The following EME2 variants were observed in gnomAD, a reference collection of about 807,000 sequenced individuals.
EME2 encodes the protein essential meiotic structure-specific endonuclease subunit 2.
In EME2, 58 loss-of-function variants were observed where a neutral mutation model predicts 41.9. The observed-to-expected ratio is 1.38, with a 90% CI of 1.12 to 1.72. The LOEUF (loss-of-function observed/expected upper bound fraction) is 1.72. Among genes scored for constraint, EME2 ranks in the 40% most tolerant of loss-of-function variants. The probability of loss-of-function intolerance (pLI) is 0.00; values close to 1 mark genes in which losing one functional copy is unlikely to be tolerated. For synonymous variants in EME2, 334 were observed against 239.3 expected (o/e 1.40, Z -3.65); for missense variants, 695 against 541.9 (o/e 1.28, Z -2.81).
Position 1,775,939 on chromosome 16 carries a change from G to C in EME2, c.922G>C (p.Ala308Pro), listed in dbSNP as rs768907545. Residue 308 changes from alanine to proline, a missense_variant, in exon 7 of 8, where the codon GCT (alanine) becomes CCT (proline). By Grantham distance (27) the Ala-to-Pro change is conservative (BLOSUM62 -1). Coordinates refer to ENST00000568449, the MANE Select transcript of EME2 (RefSeq NM_001257370.2). ...RQFSRVSPAVADAVVTAFPSP... is the reference protein window; with the variant it reads ...RQFSRVSPAVPDAVVTAFPSP... The stretch of plus-strand genomic sequence containing the variant: ...GTTCAGTCGGGTCAGCCCAGCCGTG[G>C]CTGATGCAGTTGTCACAGCCTTCCC... The C allele has an allele frequency of 6.2e-7, 1 of 1,611,756 alleles. No individual in the cohort carries two copies. The highest frequency in any genetic ancestry group is 1.7e-5 in the Admixed American group (1 of 59,984).
In EME2 at chr16:1,775,394, C is replaced by G; in HGVS notation, c.649C>G (p.Pro217Ala). The change falls in exon 5 of 8, where the codon CCG becomes GCG. Residue 217 changes from proline to alanine, a missense_variant. Transcript: ENST00000568449. ...VAGAEVAVSW[P>A]EVEEALVLLQ... Reference sequence around the variant, plus strand: ...CGGTGCCGAGGTGGCCGTCAGCTGGCCGGAGGTGGAAGAGGTGAGGGCCTG... The same window carrying G: ...CGGTGCCGAGGTGGCCGTCAGCTGGGCGGAGGTGGAAGAGGTGAGGGCCTG... The G allele has an allele frequency of 1.2e-6, 2 of 1,612,554 alleles. No individual in the cohort carries two copies. Among genetic ancestry groups the G allele is most frequent in the Non-Finnish European group, 1.7e-6 (2 of 1,179,898 alleles).
At chr16:1,774,948 C>G (rs556478237) in intron 3 of EME2, 93 bp from the exon 4 acceptor site, 492 of 985,482 alleles carry the variant, frequency 5.0e-4, no homozygotes, top group Non-Finnish European at 6.8e-4. Context: ...CTTTTTCAGG[C>G]TTGCTGTTCT....
At chr16:1,774,147 AGGGCCTGGGCTTGGCT>A (rs1370362208) in intron 2 of EME2, 97 bp from the exon 3 acceptor site, 1 of 956,340 alleles carries the variant, frequency 1.0e-6, no homozygotes, top group East Asian at 2.4e-5. Context: ...CAGGCCTGTC[AGGGCCTGGGCTTGGCT>A]GGGGCCACGA....
In EME2 at chr16:1,777,156, C is replaced by T. The variant is rs376744550; in HGVS notation, c.*918C>T. 4.3e-5 allele frequency: 70 copies of T among 1,611,214 alleles called. No individual in the cohort carries two copies. Among genetic ancestry groups the T allele is most frequent in the African/African-American group, 1.7e-4 (13 of 74,944 alleles). On this transcript the variant is annotated 3_prime_UTR_variant, in exon 8 of 8. Transcript: ENST00000568449. ...CGAGGCTCGCGACTGCTGGGGTGGG[C>T]GGAGGTCGCTGCCTGGGGATCGGAC...
rs1227787633 is a variant in EME2 at position 1,778,625 on chromosome 16, G to A, written c.*2387G>A. ...CCGAGTCGCTGTGCTGGGAGAGAAG[G>A]GCCGGCTGTTACTACCTGTTGCCCG... On this transcript the variant is annotated 3_prime_UTR_variant, in exon 8 of 8. Transcript: ENST00000568449. 3.3e-6 allele frequency: 5 copies of A among 1,534,328 alleles called. No homozygotes were observed. The highest frequency in any genetic ancestry group is 4.4e-6 in the Non-Finnish European group (5 of 1,140,102).
Position 1,778,208 on chromosome 16 carries a change from C to T in EME2, c.*1970C>T, listed in dbSNP as rs1460230726. The T allele has an allele frequency of 1.2e-6, 2 of 1,612,970 alleles. No individual in the cohort carries two copies. The highest frequency in any genetic ancestry group is 1.7e-5 in the Admixed American group (1 of 60,014). ...TGGCCCTCCCCCAGCTCCTTGGTGC[C>T]CCGGATGGCCGCTGTGCCGCAGCTG... On this transcript the variant is annotated 3_prime_UTR_variant, in exon 8 of 8. Transcript: ENST00000568449.
rs1350314476 is a variant in EME2, at chr16:1,773,450, C to G, written c.223C>G (p.Arg75Gly). ...RLLRPEQVLKRLAVCVDTAIL... is the reference protein window; with the variant it reads ...RLLRPEQVLKGLAVCVDTAIL... ...GCTGCGGCCGGAGCAGGTCCTGAAG[C>G]GCCTCGCGGTGTGCGTGGACACAGG... The change falls in exon 1 of 8, where the codon CGC (arginine) becomes GGC (glycine). Residue 75 changes from arginine to glycine, a missense_variant. By Grantham distance (125) the Arg-to-Gly change is moderately radical. Coordinates refer to ENST00000568449, the MANE Select transcript of EME2 (RefSeq NM_001257370.2). 11 of 1,574,186 alleles carry G rather than the reference C, an allele frequency of 7.0e-6. No homozygotes were observed. Among genetic ancestry groups the G allele is most frequent in the Non-Finnish European group, 6.8e-6 (8 of 1,169,580 alleles).
Position 1,777,695 on chromosome 16 carries a change from GCCT to G in EME2, c.*1460_*1462del. On this transcript the variant is annotated 3_prime_UTR_variant, in exon 8 of 8. Transcript: ENST00000568449. ...TCCCCTGGGCTGGGGCGGGGTGGCT[GCCT>G]CCCTCGGGGTGACAGCTGAGAGGAG... 2.5e-6 allele frequency: 4 copies of G among 1,598,574 alleles called. No individual in the cohort carries two copies. Among genetic ancestry groups the G allele is most frequent in the Non-Finnish European group, 3.4e-6 (4 of 1,171,072 alleles).
At chr16:1,774,541 C>G (rs571930196) in intron 3 of EME2, among the ~76,000 whole-genome samples, 189 bp downstream of exon 3, 1 of 152,332 alleles carries the variant, frequency 6.6e-6, no homozygotes, top group East Asian at 1.9e-4. Context: ...TGGGCACCTG[C>G]GGAGGCTACA....
In EME2 at chr16:1,777,612, CCCCTGGGA is replaced by C. The variant is rs2141986569; in HGVS notation, c.*1382_*1389del. ...CTCCAGCCTGGCCTCACTGTCCCAC[CCCCTGGGA>C]CCCTGGGGCCTCAGGCTTCTGGGAG... On this transcript the variant is annotated 3_prime_UTR_variant, in exon 8 of 8. Coordinates refer to ENST00000568449, the MANE Select transcript of EME2 (RefSeq NM_001257370.2). 6.9e-7 allele frequency: 1 copy of C among 1,449,206 alleles called. No homozygotes were observed. The highest frequency in any genetic ancestry group is 2.3e-5 in the East Asian group (1 of 43,186). The allele number at this position is 1,449,206 out of a possible 1,614,324, so 89.8% of individuals were successfully genotyped here.
chr16:1,773,611 C>T (rs1462274623), intron 1 of EME2, 94 bp from the exon 2 acceptor site: 12 of 1,537,072 alleles, frequency 7.8e-6, no homozygotes, highest in Non-Finnish European at 9.6e-6. Flanking sequence ...GGGTTTGTGC[C>T]GAATGGAGAC....
intron 1 of EME2, 65 bp downstream of exon 1, chr16:1,773,539 C>G (rs536308749): frequency 6.5e-7 from 1 of 1,531,322 alleles, no homozygotes; most frequent in African/African-American, 1.4e-5. Flanking sequence ...GCGGCGCCCT[C>G]TGTCCGACTG....
Position 1,776,507 on chromosome 16 carries a change from T to G in EME2, c.*269T>G. ...AGGGGAGGCCTCAGCAGCAGGGCTGTGCCCCCCCAACACACACACACACTC... is the reference window on the plus strand; with the variant it reads ...AGGGGAGGCCTCAGCAGCAGGGCTGGGCCCCCCCAACACACACACACACTC... On this transcript the variant is annotated 3_prime_UTR_variant, in exon 8 of 8. Coordinates refer to ENST00000568449, the MANE Select transcript of EME2 (RefSeq NM_001257370.2). 1 of 453,310 alleles carries G rather than the reference T, an allele frequency of 2.2e-6. No individual in the cohort carries two copies. The highest frequency in any genetic ancestry group is 3.9e-6 in the Non-Finnish European group (1 of 254,308). The allele number at this position is 453,310 out of a possible 1,614,324, so 28.1% of individuals were successfully genotyped here. A position where few individuals can be genotyped will look rare whatever the true frequency, so the allele number is the denominator to read the frequency against.
Position 1,778,327 on chromosome 16 carries a change from A to T in EME2, c.*2089A>T. ...ATCCCAGACCCAGTCGAAATCTGCA[A>T]GAGAGGCCCAGGCTGGGGCAGCCCT... On this transcript the variant is annotated 3_prime_UTR_variant, in exon 8 of 8. Transcript: ENST00000568449. 1 of 1,612,016 alleles carries T rather than the reference A, an allele frequency of 6.2e-7. No homozygotes were observed. Among genetic ancestry groups the T allele is most frequent in the South Asian group, 1.1e-5 (1 of 91,064 alleles).
chr16:1,775,837 G>A lies in EME2; in HGVS notation c.820G>A (p.Gly274Arg), dbSNP rs540307002. The part of the protein sequence containing the change: ...ESQAFSFCTA[G>R]RWAAGEPVAR... Reference sequence around the variant, plus strand: ...CCAGGCCTTCTCCTTCTGCACAGCAGGGCGCTGGGCAGCCGGCGAGCCAGT... The same window carrying A: ...CCAGGCCTTCTCCTTCTGCACAGCAAGGCGCTGGGCAGCCGGCGAGCCAGT... Residue 274 changes from glycine to arginine, a missense_variant, in exon 7 of 8, where the codon GGG (glycine) becomes AGG (arginine). Coordinates refer to ENST00000568449, the MANE Select transcript of EME2 (RefSeq NM_001257370.2). 1.2e-5 allele frequency: 19 copies of A among 1,612,416 alleles called. No individual in the cohort carries two copies. Among genetic ancestry groups the A allele is most frequent in the Non-Finnish European group, 1.5e-5 (18 of 1,179,818 alleles).
Position 1,775,106 on chromosome 16 carries a change from T to C in EME2, c.543T>C (p.Ala181=), listed in dbSNP as rs1431021184. Residue 181 remains alanine (A), a synonymous_variant, in exon 4 of 8, where the codon GCT becomes GCC. Transcript: ENST00000568449. ...SPETTARPHL[A]VIGLDAYLWS... is the part of the protein sequence containing the mutation. The stretch of plus-strand genomic sequence containing the variant: ...AGACCACCGCCCGGCCCCACCTGGC[T>C]GTCATCGGGCTGGATGCCTACCTGT... 1.9e-6 allele frequency: 3 copies of C among 1,611,846 alleles called. No individual in the cohort carries two copies. Among genetic ancestry groups the C allele is most frequent in the Middle Eastern group, 1.6e-4 (1 of 6,062 alleles).
In EME2 at chr16:1,776,109, C is replaced by A. The variant is rs141577357; in HGVS notation, c.1011C>A (p.Leu337=). ...GCACGGAGCGGGAGCGCATGGGCCTCCTGGCCGACCTTCCTGTGCCGCCCA... is the reference window on the plus strand; with the variant it reads ...GCACGGAGCGGGAGCGCATGGGCCTACTGGCCGACCTTCCTGTGCCGCCCA... ...ACSTERERMG[L]LADLPVPPSE... The change falls in exon 8 of 8, where the codon CTC becomes CTA. Residue 337 remains leucine (L), a synonymous_variant. Coordinates refer to ENST00000568449, the MANE Select transcript of EME2 (RefSeq NM_001257370.2). The A allele has an allele frequency of 3.0e-4, 491 of 1,611,462 alleles. No individual in the cohort carries two copies. Among genetic ancestry groups the A allele is most frequent in the Non-Finnish European group, 3.7e-4 (435 of 1,179,712 alleles).
chr16:1,780,551 C>T lies in EME2; in HGVS notation c.*4313C>T, dbSNP rs1268763903. 5 of 153,050 alleles carry T rather than the reference C, an allele frequency of 3.3e-5. No individual in the cohort carries two copies. The highest frequency in any genetic ancestry group is 3.9e-4 in the East Asian group (2 of 5,192). The allele number at this position is 153,050 out of a possible 1,614,324, so 9.5% of individuals were successfully genotyped here. On this transcript the variant is annotated 3_prime_UTR_variant, in exon 8 of 8. Transcript: ENST00000568449. Reference sequence around the variant, plus strand: ...GAATACCTTCAGGTTCCTGGCCTCCCTGAGCAAGTGCAGAAATTTTTACCT... The same window carrying T: ...GAATACCTTCAGGTTCCTGGCCTCCTTGAGCAAGTGCAGAAATTTTTACCT...
chr16:1,772,879 T>C lies in EME2; in HGVS notation c.-349T>C, dbSNP rs2042643839. ...TGCTGCCACAGCCAGGACTTGCGCG[T>C]GACCAGGCGGCCCAGGCCGAAGAGC... On this transcript the variant is annotated 5_prime_UTR_variant, in exon 1 of 8. Transcript: ENST00000568449. The C allele has an allele frequency of 7.6e-6, 11 of 1,452,760 alleles. No individual in the cohort carries two copies. The highest frequency in any genetic ancestry group is 1.4e-5 in the African/African-American group (1 of 69,326). The allele number at this position is 1,452,760 out of a possible 1,614,324, so 90.0% of individuals were successfully genotyped here. A position where few individuals can be genotyped will look rare whatever the true frequency, so the allele number is the denominator to read the frequency against.
Sources: allele counts gnomAD v4.1 joint callset (sites outside exome capture counted in the v4.1 genomes callset), GRCh38; gene constraint gnomAD v4.1.1; transcripts MANE v1.5; gene names NCBI Gene and HGNC (gene_info 2026-07-23, HGNC 2026-07-21).